The following GNB4 variants were observed in gnomAD, a reference collection of about 807,000 sequenced individuals.
GNB4 encodes guanine nucleotide-binding protein subunit beta-4.
In GNB4, 28 loss-of-function variants were observed where a neutral mutation model predicts 45.2. That is an observed-to-expected ratio of 0.62 (90% confidence interval 0.46 to 0.85). The LOEUF is 0.85. GNB4 is among the 40% of genes least tolerant of loss of function. The probability of loss-of-function intolerance (pLI) is 0.00; values close to 1 mark genes in which losing one functional copy is unlikely to be tolerated. For missense variants in GNB4, 321 were observed against 425.4 expected (o/e 0.75, Z 2.16); for synonymous variants, 132 against 143.7 (o/e 0.92, Z 0.58).
At chr3:179,454,989 T>C (rs937494523), upstream of GNB4, among the ~76,000 whole-genome samples, 1 of 152,232 alleles carries the variant, frequency 6.6e-6, no homozygotes, top group African/African-American at 2.4e-5. Flanking sequence ...AGAGTAGTCA[T>C]GCCTAAAGCC....
intron 1 of GNB4, among the ~76,000 whole-genome samples, chr3:179,443,597 G>A (rs1715648023): frequency 6.6e-6 from 1 of 152,146 alleles, no homozygotes; most frequent in Non-Finnish European, 1.5e-5. Flanking sequence ...AGCATCCAGT[G>A]TCTTTCACTG....
At chr3:179,441,540 C>A (rs1481561899) in intron 1 of GNB4, among the ~76,000 whole-genome samples, 1 of 152,016 alleles carries the variant, frequency 6.6e-6, no homozygotes, top group East Asian at 1.9e-4. Flanking sequence ...TCAAGACCAG[C>A]CTGGCCAACA....
chr3:179,486,076 A>G, the GNB4 span, among the ~76,000 whole-genome samples: 1 of 152,022 alleles, frequency 6.6e-6, no homozygotes, highest in Admixed American at 6.6e-5. Context: ...TACAAAAATT[A>G]GACAGTTGTG....
At chr3:179,500,404 G>A in the GNB4 span, among the ~76,000 whole-genome samples, 9 of 152,164 alleles carry the variant, frequency 5.9e-5, no homozygotes, top group African/African-American at 7.2e-5. Flanking sequence ...GATGTGTGGC[G>A]TTATTTCTCA....
In GNB4 at chr3:179,420,948, T is replaced by C. The variant is rs763972884; in HGVS notation, c.58-21A>G. 2.0e-5 allele frequency: 29 copies of C among 1,462,270 alleles called. No individual in the cohort carries two copies. The Admixed American group carries it at 4.5e-4, about 23-fold the overall frequency. The allele number at this position is 1,462,270 out of a possible 1,614,324, so 90.6% of individuals were successfully genotyped here. A position where few individuals can be genotyped will look rare whatever the true frequency, so the allele number is the denominator to read the frequency against. ...GCATCCTGAAGTAAAAAAATATGAT[T>C]ATAATGCATTTAGCAACCTGTGGAA... is the stretch of plus-strand genomic sequence containing the variant. On this transcript the variant is annotated intron_variant, in intron 2 of 9. Coordinates refer to ENST00000232564, the MANE Select transcript of GNB4 (RefSeq NM_021629.4).
At chr3:179,413,303 G>T (rs540044889) in intron 8 of GNB4, 109 bp downstream of exon 8, 5 of 801,910 alleles carry the variant, frequency 6.2e-6, no homozygotes, top group Non-Finnish European at 1.0e-5. Flanking sequence ...AGTTATAAGA[G>T]CACATTACTT....
the GNB4 span, among the ~76,000 whole-genome samples, chr3:179,486,303 C>A: frequency 1.3e-5 from 2 of 150,742 alleles, no homozygotes; most frequent in Non-Finnish European, 2.9e-5. Context: ...TCAAGTCATT[C>A]TTCTGTTAAA....
At chr3:179,411,591 T>TA (rs1297283463) in intron 8 of GNB4, among the ~76,000 whole-genome samples, 1 of 152,046 alleles carries the variant, frequency 6.6e-6, no homozygotes, top group African/African-American at 2.4e-5. Flanking sequence ...TCATTCCTCA[T>TA]AAAGACTTTA....
chr3:179,511,778 T>TG, the GNB4 span, among the ~76,000 whole-genome samples: 1 of 152,214 alleles, frequency 6.6e-6, no homozygotes, highest in East Asian at 1.9e-4. Context: ...CCAAATTCTA[T>TG]GCCTCTTAAC....
At chr3:179,454,000 A>G (rs985551385), upstream of GNB4, among the ~76,000 whole-genome samples, 2 of 152,368 alleles carry the variant, frequency 1.3e-5, no homozygotes, top group African/African-American at 4.8e-5. Flanking sequence ...TTTTCCAATG[A>G]TAATGAAATC....
At chr3:179,481,904 A>T in the GNB4 span, among the ~76,000 whole-genome samples, 2 of 151,950 alleles carry the variant, frequency 1.3e-5, no homozygotes, top group Non-Finnish European at 1.5e-5. Flanking sequence ...TTTATATTTA[A>T]TTTTTTTCAT....
the GNB4 span, among the ~76,000 whole-genome samples, chr3:179,525,969 G>C: frequency 6.6e-6 from 1 of 152,200 alleles, no homozygotes; most frequent in African/African-American, 2.4e-5. Context: ...TGTCACACGC[G>C]TCTGTGTGAA....
At chr3:179,454,334 G>A (rs937776667), upstream of GNB4, among the ~76,000 whole-genome samples, 1 of 152,094 alleles carries the variant, frequency 6.6e-6, no homozygotes, top group African/African-American at 2.4e-5. Flanking sequence ...CATTTGCTAG[G>A]TACTCCACGA....
At chr3:179,440,326 C>T (rs1715563637) in intron 1 of GNB4, among the ~76,000 whole-genome samples, 1 of 152,104 alleles carries the variant, frequency 6.6e-6, no homozygotes, top group Admixed American at 6.5e-5. Flanking sequence ...CTTCTTTTAT[C>T]TTGAAATATT....
chr3:179,512,242 A>G, the GNB4 span, among the ~76,000 whole-genome samples: 1 of 152,154 alleles, frequency 6.6e-6, no homozygotes, highest in African/African-American at 2.4e-5. Flanking sequence ...TATCCCCCAA[A>G]ACTGTGGCTA....
Position 179,426,252 on chromosome 3 carries a change from A to G in GNB4, c.-42-10T>C. 7.5e-7 allele frequency: 1 copy of G among 1,327,122 alleles called. No individual in the cohort carries two copies. Among genetic ancestry groups the G allele is most frequent in the South Asian group, 1.3e-5 (1 of 77,074 alleles). 82.2% of individuals were successfully genotyped at this position (1,327,122 alleles called of 1,614,324 possible). On this transcript the variant is annotated splice_polypyrimidine_tract_variant and intron_variant, in intron 1 of 9. Transcript: ENST00000232564. ...TAATGAGTGAAAACAGCTGTTAAAA[A>G]ACAGAGAGCAAGAGAAAGATTCAGT...
the GNB4 span, among the ~76,000 whole-genome samples, chr3:179,494,907 CAAAAAAAA>C: frequency 5.9e-5 from 2 of 33,990 alleles, no homozygotes; most frequent in South Asian, 1.3e-3. Flanking sequence ...GACTCTGTCT[CAAAAAAAA>C]AAAAAAAAAA....
the GNB4 span, among the ~76,000 whole-genome samples, chr3:179,479,952 G>A: frequency 4.6e-5 from 7 of 152,288 alleles, no homozygotes; most frequent in African/African-American, 1.7e-4. Context: ...CTCTGCCCAC[G>A]TGAATGGATT....
At chr3:179,471,136 G>A in the GNB4 span, among the ~76,000 whole-genome samples, 3 of 148,614 alleles carry the variant, frequency 2.0e-5, no homozygotes, top group East Asian at 2.0e-4. Context: ...TTGAGATCGC[G>A]CCACTGCACT....
Sources: gnomAD v4.1 joint callset for allele counts (sites outside exome capture counted in the v4.1 genomes callset) on GRCh38, gnomAD v4.1.1 for gene constraint, MANE v1.5 for transcripts, NCBI Gene and HGNC (gene_info 2026-07-23, HGNC 2026-07-21) for gene names.